The following RIMS2 variants were observed in gnomAD, a reference collection of about 807,000 sequenced individuals.
The protein encoded by RIMS2 is regulating synaptic membrane exocytosis protein 2.
RIMS2 carries 59 observed loss-of-function variants against 174.4 expected under a neutral mutation model. That is an observed-to-expected ratio of 0.34 (90% CI 0.27 to 0.42). The LOEUF is 0.42. RIMS2 is among the 10% of genes least tolerant of loss of function. The probability of loss-of-function intolerance (pLI) is 1.00; values close to 1 mark genes in which losing one functional copy is unlikely to be tolerated. For missense variants in RIMS2, 1,620 were observed against 1,666.3 expected, an observed-to-expected ratio of 0.97 and a Z score of 0.48; for synonymous variants, 606 against 572.5, an observed-to-expected ratio of 1.06 and a Z score of -0.84.
At chr8:103,678,924 A>T (rs2096846788) in intron 1 of RIMS2, among the ~76,000 whole-genome samples, 1 of 152,068 alleles carries the variant, frequency 6.6e-6, no homozygotes, top group East Asian at 1.9e-4. Flanking sequence ...AAATGCCGAC[A>T]CATGTTTTTA....
chr8:103,521,462 T>C (rs1290157692), intron 1 of RIMS2, among the ~76,000 whole-genome samples: 1 of 152,056 alleles, frequency 6.6e-6, no homozygotes, highest in Non-Finnish European at 1.5e-5. Flanking sequence ...TTATTTATTA[T>C]AATTTTTTAC....
At chr8:104,064,901 C>T (rs780885045) in intron 19 of RIMS2, among the ~76,000 whole-genome samples, 36 of 151,834 alleles carry the variant, frequency 2.4e-4, no homozygotes, top group African/African-American at 8.5e-4. Flanking sequence ...TATAATGACC[C>T]TAATTTTTTA....
At chr8:104,157,214 G>C (rs908871691) in intron 19 of RIMS2, among the ~76,000 whole-genome samples, 1 of 152,092 alleles carries the variant, frequency 6.6e-6, no homozygotes, top group African/African-American at 2.4e-5. Flanking sequence ...AGTGAAAGCT[G>C]GTGTTAACAT....
chr8:104,249,702 G>A (rs1468540881), intron 22 of RIMS2, 114 bp downstream of exon 28: 28 of 635,954 alleles, frequency 4.4e-5, no homozygotes, highest in Non-Finnish European at 1.7e-5. Flanking sequence ...CTAATGGATG[G>A]TCCATTATGA....
At chr8:103,785,467 T>G (rs1207647726) in intron 3 of RIMS2, among the ~76,000 whole-genome samples, 1 of 151,900 alleles carries the variant, frequency 6.6e-6, no homozygotes, top group East Asian at 1.9e-4. Flanking sequence ...TTATTGAGAG[T>G]TTTTAGCATG....
intron 2 of RIMS2, among the ~76,000 whole-genome samples, chr8:103,740,197 T>A (rs987565022): frequency 6.6e-6 from 1 of 152,120 alleles, no homozygotes; most frequent in Admixed American, 6.6e-5. Context: ...TGTGGGGCAG[T>A]GAAGAGAAAG....
At chr8:103,622,115 G>T (rs919044097) in intron 1 of RIMS2, among the ~76,000 whole-genome samples, 2 of 151,890 alleles carry the variant, frequency 1.3e-5, no homozygotes, top group Non-Finnish European at 2.9e-5. Flanking sequence ...CAAAGAATAA[G>T]GTTATTACCC....
intron 1 of RIMS2, among the ~76,000 whole-genome samples, chr8:103,633,378 C>A (rs2135298069): frequency 6.6e-6 from 1 of 152,138 alleles, no homozygotes; most frequent in East Asian, 1.9e-4. Flanking sequence ...AACTTGCATC[C>A]TGGGGATGAA....
chr8:104,177,860 G>T (rs1393907452), intron 19 of RIMS2, among the ~76,000 whole-genome samples: 1 of 152,074 alleles, frequency 6.6e-6, no homozygotes, highest in Non-Finnish European at 1.5e-5. Flanking sequence ...AACCATAACA[G>T]ATAGAGGAAA....
At chr8:104,251,228 C>G in intron 23 of RIMS2, 65 bp downstream of exon 29, 1 of 1,322,054 alleles carries the variant, frequency 7.6e-7, no homozygotes. Flanking sequence ...ACATTATACC[C>G]CAAATCTTTT....
chr8:104,184,473 C>T (rs1236173972), intron 19 of RIMS2, among the ~76,000 whole-genome samples: 1 of 151,404 alleles, frequency 6.6e-6, no homozygotes, highest in Admixed American at 6.6e-5. Context: ...ACTCTTTTAC[C>T]TACCTCATGA....
At chr8:103,685,933 A>C (rs2096935420) in intron 1 of RIMS2, among the ~76,000 whole-genome samples, 1 of 152,164 alleles carries the variant, frequency 6.6e-6, no homozygotes. Flanking sequence ...TGATCTTAAC[A>C]ATTTTAGTCT....
rs1405026459 is a variant in RIMS2, at chr8:103,876,882, A to AT, written c.699-8415dup. 9.9e-4 allele frequency among the ~76,000 whole-genome samples: 39 copies of AT among 39,226 alleles called. 2 individuals carry two copies. The highest frequency in any genetic ancestry group is 2.0e-3 in the Non-Finnish European group (34 of 16,952). 25.7% of individuals were successfully genotyped at this position (39,226 alleles called of 152,430 possible). ...CACTATTTTATATATATATATATAT[A>AT]TATATATATATATATATATATATAT... On this transcript the variant is annotated intron_variant, in intron 3 of 23. Coordinates refer to ENST00000504942, the Ensembl canonical transcript of RIMS2.
chr8:103,823,976 A>G (rs1342230175), intron 3 of RIMS2, among the ~76,000 whole-genome samples: 2 of 152,082 alleles, frequency 1.3e-5, no homozygotes, highest in Non-Finnish European at 2.9e-5. Flanking sequence ...TTATAACTAT[A>G]ACATTATTCA....
intron 19 of RIMS2, among the ~76,000 whole-genome samples, chr8:104,141,356 G>T (rs1342463351): frequency 6.6e-6 from 1 of 152,088 alleles, no homozygotes; most frequent in African/African-American, 2.4e-5. Flanking sequence ...ACAGACTAAA[G>T]AGTTTAAATA....
chr8:103,782,056 C>T (rs1016887906), intron 3 of RIMS2, among the ~76,000 whole-genome samples: 5 of 151,616 alleles, frequency 3.3e-5, no homozygotes, highest in Non-Finnish European at 5.9e-5. Flanking sequence ...CCTTATCTCC[C>T]CTATTCTATA....
At chr8:103,996,092 G>A (rs79933203) in intron 17 of RIMS2, among the ~76,000 whole-genome samples, 2,348 of 151,996 alleles carry the variant, frequency 0.015, 67 homozygotes, top group Admixed American at 0.061. Context: ...AAAGAATTAC[G>A]TTAGAAATTA....
At chr8:104,145,876 A>G (rs2098634348) in intron 19 of RIMS2, among the ~76,000 whole-genome samples, 2 of 151,512 alleles carry the variant, frequency 1.3e-5, no homozygotes, top group Non-Finnish European at 2.9e-5. Flanking sequence ...AAAAAGAAAA[A>G]TGGTAGCTTA....
At chr8:104,228,885 G>C (rs2099206739) in intron 19 of RIMS2, among the ~76,000 whole-genome samples, 1 of 152,096 alleles carries the variant, frequency 6.6e-6, no homozygotes, top group Non-Finnish European at 1.5e-5. Context: ...CATTATAACA[G>C]ACAAAGTGAA....
Sources: gnomAD v4.1 joint callset for allele counts (sites outside exome capture counted in the v4.1 genomes callset) on GRCh38, gnomAD v4.1.1 for gene constraint, MANE v1.5 for transcripts, NCBI Gene and HGNC (gene_info 2026-07-23, HGNC 2026-07-21) for gene names.